Variants in TENM3 observed in about 807,000 individuals in gnomAD.
The protein encoded by TENM3 is teneurin transmembrane protein 3, also known as teneurin-3.
TENM3 carries 63 observed loss-of-function variants against 255.1 expected under a neutral mutation model. The ratio of observed to expected loss-of-function variants is 0.25; its 90% CI spans 0.20 to 0.30. The LOEUF is 0.30. Ranked by LOEUF, TENM3 falls within the 10% of genes least tolerant of loss-of-function variation. TENM3 has a pLI of 1.00. For missense variants in TENM3, 2,929 were observed against 3,461.1 expected (o/e 0.85, Z 3.86); for synonymous variants, 1,306 against 1,322.3 (o/e 0.99, Z 0.27).
chr4:182,549,168 G>A (rs1426055123), intron 3 of TENM3, among the ~76,000 whole-genome samples: 1 of 152,198 alleles, frequency 6.6e-6, no homozygotes, highest in African/African-American at 2.4e-5. Flanking sequence ...ATTCTGGGAT[G>A]TGTGCATGTG....
chr4:182,328,553 C>CACCGTGA (rs1561326869), intron 2 of TENM3, among the ~76,000 whole-genome samples: 1 of 151,654 alleles, frequency 6.6e-6, no homozygotes, highest in Non-Finnish European at 1.5e-5. Context: ...ACCGTGATAT[C>CACCGTGA]TATGTTTGTA....
At chr4:182,200,799 G>A (rs1424805194) in intron 1 of TENM3, among the ~76,000 whole-genome samples, 1 of 148,534 alleles carries the variant, frequency 6.7e-6, no homozygotes, top group East Asian at 2.0e-4. Flanking sequence ...CAGCCAAGGG[G>A]AAGAATAACT....
chr4:181,980,820 T>C, the TENM3 span, among the ~76,000 whole-genome samples: 1 of 152,156 alleles, frequency 6.6e-6, no homozygotes, highest in Non-Finnish European at 1.5e-5. Flanking sequence ...TTCTCATCTT[T>C]TGCAAAATTC....
chr4:181,721,913 G>T, the TENM3 span, among the ~76,000 whole-genome samples: 1 of 152,090 alleles, frequency 6.6e-6, no homozygotes, highest in Non-Finnish European at 1.5e-5. Context: ...AGGATGTGCT[G>T]ATGCAGTAGT....
At chr4:182,568,272 T>G (rs755714231) in intron 3 of TENM3, among the ~76,000 whole-genome samples, 52 of 152,156 alleles carry the variant, frequency 3.4e-4, no homozygotes, top group Non-Finnish European at 6.2e-4. Context: ...CAACACATTT[T>G]GAGCTCAACA....
chr4:181,807,084 C>T, the TENM3 span, among the ~76,000 whole-genome samples: 3 of 152,138 alleles, frequency 2.0e-5, no homozygotes, highest in Admixed American at 6.6e-5. Flanking sequence ...TCTCAGATAC[C>T]TGATATTTTT....
chr4:181,574,549 A>G, the TENM3 span, among the ~76,000 whole-genome samples: 1 of 152,164 alleles, frequency 6.6e-6, no homozygotes, highest in Non-Finnish European at 1.5e-5. Flanking sequence ...AAAAAAAAAA[A>G]AAAATGTCTT....
Position 182,213,129 on chromosome 4 carries a change from AGTAACT to A in TENM3, c.-76+68377_-76+68382del, listed in dbSNP as rs1399261298. ...TACTTCAGGAAAACCAGATCTTCCC[AGTAACT>A]GGCAGTCCTATTATAAGTGGATATT... On this transcript the variant is annotated intron_variant, in intron 1 of 2. Coordinates refer to the TENM3 transcript ENST00000512480. Among the ~76,000 whole-genome samples the A allele has an allele frequency of 2.0e-5, 3 of 152,236 alleles. No homozygotes were observed. The East Asian group carries it at 5.8e-4, about 29-fold the overall frequency.
At chr4:182,578,395 C>T (rs1745152028) in intron 3 of TENM3, among the ~76,000 whole-genome samples, 1 of 152,062 alleles carries the variant, frequency 6.6e-6, no homozygotes, top group Non-Finnish European at 1.5e-5. Flanking sequence ...TTGTTCTCCC[C>T]TTCTTCCCCT....
At chr4:182,013,987 C>T in the TENM3 span, among the ~76,000 whole-genome samples, 5 of 106,942 alleles carry the variant, frequency 4.7e-5, no homozygotes, top group East Asian at 5.4e-4. Context: ...CGTGTATATA[C>T]GTATATACAC....
At chr4:182,736,203 A>C (rs1234665012) in intron 16 of TENM3, among the ~76,000 whole-genome samples, 1 of 152,232 alleles carries the variant, frequency 6.6e-6, no homozygotes, top group Non-Finnish European at 1.5e-5. Flanking sequence ...AATCTAACCC[A>C]AACGATTGGG....
chr4:181,751,550 G>A, the TENM3 span, among the ~76,000 whole-genome samples: 5 of 151,944 alleles, frequency 3.3e-5, no homozygotes, highest in African/African-American at 4.8e-5. Flanking sequence ...ATCCAGAACC[G>A]ATTACACATT....
chr4:182,544,732 G>A (rs911383289), intron 3 of TENM3, among the ~76,000 whole-genome samples: 3 of 152,166 alleles, frequency 2.0e-5, no homozygotes, highest in Admixed American at 2.0e-4. Flanking sequence ...GAAAGAAGGA[G>A]ACATTCATTT....
chr4:181,579,932 CAATTTTATTTTATTTTATTTTATTT>C, the TENM3 span, among the ~76,000 whole-genome samples: 1 of 148,850 alleles, frequency 6.7e-6, no homozygotes, highest in Non-Finnish European at 1.5e-5. Context: ...GAAGTACCTA[CAATTTTATTTTATTTTATTTTATTT>C]TATTTTATTT....
At chr4:181,582,663 A>G in the TENM3 span, among the ~76,000 whole-genome samples, 2 of 76,424 alleles carry the variant, frequency 2.6e-5, no homozygotes, top group Non-Finnish European at 5.2e-5. Flanking sequence ...ACAAAGCAAA[A>G]CAAATCAAAA....
At chr4:181,957,372 G>A in the TENM3 span, among the ~76,000 whole-genome samples, 1 of 152,122 alleles carries the variant, frequency 6.6e-6, no homozygotes, top group Non-Finnish European at 1.5e-5. Flanking sequence ...ATTTCAGCAA[G>A]GGGGCGGATC....
At chr4:181,603,562 A>G in the TENM3 span, among the ~76,000 whole-genome samples, 4 of 152,192 alleles carry the variant, frequency 2.6e-5, no homozygotes, top group East Asian at 7.7e-4. Context: ...GTGAGCATAG[A>G]AAATTAGTCC....
chr4:182,144,737 G>C (rs1161521746), exon 1 of TENM3: 1 of 146,906 alleles, frequency 6.8e-6, no homozygotes, highest in South Asian at 2.1e-4. Flanking sequence ...AGCCGGCGGC[G>C]CGGGCGAGCC....
At chr4:182,678,119 A>G (rs1231546780) in intron 7 of TENM3, among the ~76,000 whole-genome samples, 2 of 152,212 alleles carry the variant, frequency 1.3e-5, no homozygotes, top group Admixed American at 6.5e-5. Context: ...GTAACATTCT[A>G]TAGACACTGA....
Sources: gnomAD v4.1 joint callset for allele counts (sites outside exome capture counted in the v4.1 genomes callset) on GRCh38, gnomAD v4.1.1 for gene constraint, MANE v1.5 for transcripts, NCBI Gene and HGNC (gene_info 2026-07-23, HGNC 2026-07-21) for gene names.